Variants in PRSS23 observed in about 807,000 individuals in gnomAD.
PRSS23 encodes serine protease 23, also known as protease, serine 23.
In PRSS23, 25 loss-of-function variants were observed where a neutral mutation model predicts 34.7. The observed-to-expected ratio is 0.72, with a 90% CI of 0.53 to 1.01. The LOEUF is 1.01. Ranked by LOEUF, PRSS23 falls within the 50% of genes least tolerant of loss-of-function variation. The pLI, the probability that PRSS23 is intolerant of heterozygous loss-of-function variation, is 0.00. For missense variants in PRSS23, 445 were observed against 475.6 expected (o/e 0.94, Z 0.60); for synonymous variants, 176 against 186.6 (o/e 0.94, Z 0.46).
At chr11:86,877,329 G>T (rs547218322) in intron 2 of PRSS23, among the ~76,000 whole-genome samples, 2 of 152,270 alleles carry the variant, frequency 1.3e-5, no homozygotes, top group East Asian at 1.9e-4. Context: ...TCCCCATTTT[G>T]GTCAGACCCA....
chr11:86,849,124 T>C (rs1948510638), intron 2 of PRSS23, among the ~76,000 whole-genome samples: 1 of 152,292 alleles, frequency 6.6e-6, no homozygotes, highest in East Asian at 1.9e-4. Flanking sequence ...CTGGGTAAGT[T>C]TGACCATTGA....
intron 1 of PRSS23, among the ~76,000 whole-genome samples, chr11:86,823,087 G>T (rs1042699862): frequency 3.3e-5 from 5 of 152,218 alleles, no homozygotes; most frequent in African/African-American, 1.2e-4. Flanking sequence ...GGGAGGCCCC[G>T]TCAGGGGATG....
At position 86,810,775 on chromosome 11, in the gene PRSS23, G is replaced by A. The variant is rs1428082136; in HGVS notation, c.*1980G>A. ...TCACAAGTAGATGTAATTTACTAAAGAATGATACACCCATATGCTATATAC... is the reference window on the plus strand; with the variant it reads ...TCACAAGTAGATGTAATTTACTAAAAAATGATACACCCATATGCTATATAC... On this transcript the variant is annotated 3_prime_UTR_variant, in exon 2 of 2. Coordinates refer to ENST00000280258, the MANE Select transcript of PRSS23 (RefSeq NM_007173.6). 4 of 166,968 alleles carry A rather than the reference G, an allele frequency of 2.4e-5. No individual in the cohort carries two copies. Among genetic ancestry groups the A allele is most frequent in the Admixed American group, 2.0e-4 (3 of 15,282 alleles). 10.3% of individuals were successfully genotyped at this position (166,968 alleles called of 1,614,324 possible). A position where few individuals can be genotyped will look rare whatever the true frequency, so the allele number is the denominator to read the frequency against.
chr11:86,814,981 G>C (rs1013653771), downstream of PRSS23, among the ~76,000 whole-genome samples: 1 of 152,104 alleles, frequency 6.6e-6, no homozygotes, highest in African/African-American at 2.4e-5. Flanking sequence ...CCTTGTCTTC[G>C]GGCTATTAAA....
Position 86,808,572 on chromosome 11 carries a change from A to G in PRSS23, c.929A>G (p.Asp310Gly), listed in dbSNP as rs776882364. 1.2e-6 allele frequency: 2 copies of G among 1,614,092 alleles called. No individual in the cohort carries two copies. Among genetic ancestry groups the G allele is most frequent in the East Asian group, 4.5e-5 (2 of 44,896 alleles). Residue 310 changes from aspartate to glycine, a missense_variant, in exon 2 of 2, where the codon GAT becomes GGT. Physicochemically the swap from Asp to Gly is moderately conservative, Grantham distance 94. Coordinates refer to ENST00000280258, the MANE Select transcript of PRSS23 (RefSeq NM_007173.6). ...ETYDLLYQQC[D>G]AQPGASGSGV... ...TATGACTTGCTCTACCAGCAATGCG[A>G]TGCCCAGCCAGGGGCCAGCGGGTCT... is the stretch of plus-strand genomic sequence containing the variant.
At chr11:86,927,635 C>T (rs1949090548) in intron 2 of PRSS23, among the ~76,000 whole-genome samples, 1 of 152,170 alleles carries the variant, frequency 6.6e-6, no homozygotes, top group Non-Finnish European at 1.5e-5. Context: ...GCATAAGCCA[C>T]TGTGCCCGGC....
chr11:86,853,986 C>T (rs554796638), intron 2 of PRSS23, among the ~76,000 whole-genome samples: 2 of 152,144 alleles, frequency 1.3e-5, no homozygotes, highest in South Asian at 4.2e-4. Context: ...ATTTTATATG[C>T]TTATTGGCCA....
chr11:86,807,894 A>G lies in PRSS23; in HGVS notation c.251A>G (p.Tyr84Cys), dbSNP rs1233239979. Residue 84 changes from tyrosine to cysteine, a missense_variant, in exon 2 of 2, where the codon TAT (tyrosine) becomes TGT (cysteine). By Grantham distance (194) the Tyr-to-Cys change is radical. Coordinates refer to ENST00000280258, the MANE Select transcript of PRSS23 (RefSeq NM_007173.6). Reference protein sequence around the residue: ...PLPTYEEAKQYLSYETLYANG... With the variant: ...PLPTYEEAKQCLSYETLYANG... The stretch of plus-strand genomic sequence containing the variant: ...CCCACTTACGAAGAGGCCAAGCAAT[A>G]TCTGTCTTATGAAACGCTCTATGCC... 1.2e-6 allele frequency: 2 copies of G among 1,614,134 alleles called. No individual in the cohort carries two copies. Among genetic ancestry groups the G allele is most frequent in the African/African-American group, 1.3e-5 (1 of 75,038 alleles).
chr11:86,798,187 A>C (rs1022185488), upstream of PRSS23, among the ~76,000 whole-genome samples: 5 of 152,228 alleles, frequency 3.3e-5, no homozygotes, highest in African/African-American at 7.2e-5. Flanking sequence ...TGGGAGCTAC[A>C]GACACTTAGA....
At chr11:86,881,593 G>C (rs922688749) in intron 2 of PRSS23, among the ~76,000 whole-genome samples, 1 of 152,026 alleles carries the variant, frequency 6.6e-6, no homozygotes, top group South Asian at 2.1e-4. Context: ...ATTTAAATAT[G>C]CTGGCCTCAA....
rs1948492574 is a variant in PRSS23 at position 86,847,162 on chromosome 11, G to A, written c.206+23569G>A. Among the ~76,000 whole-genome samples the A allele has an allele frequency of 2.0e-5, 3 of 152,328 alleles. No homozygotes were observed. In the South Asian group the frequency reaches 6.2e-4, roughly 32 times the overall value. On this transcript the variant is annotated intron_variant, in intron 2 of 2. Transcript: ENST00000533902. ...GGGGACAGAAGGCTAAAGTACAGCA[G>A]CTGTTCTCTCAGCCCTGGTCTGGAG...
rs1346009599 is a variant in PRSS23, at chr11:86,939,424, A to ATTTTTTTTTTT, written c.207-11791_207-11790insTTTTTTTTTTT. Among the ~76,000 whole-genome samples, 13 of 84,000 alleles carry ATTTTTTTTTTT rather than the reference A, an allele frequency of 1.5e-4. 1 individual carries two copies. Among genetic ancestry groups the ATTTTTTTTTTT allele is most frequent in the East Asian group, 3.9e-4 (1 of 2,574 alleles). 55.1% of individuals were successfully genotyped at this position (84,000 alleles called of 152,430 possible). Reference sequence around the variant, plus strand: ...AAAAAATATATATATATATATATATATATTTTTTAACATGAGTAAAAATTG... The same window carrying ATTTTTTTTTTT: ...AAAAAATATATATATATATATATATATTTTTTTTTTTTATTTTTTAACATGAGTAAAAATTG... On this transcript the variant is annotated intron_variant, in intron 2 of 2. Transcript: ENST00000533902.
At chr11:86,897,994 G>A (rs1414305210) in intron 2 of PRSS23, among the ~76,000 whole-genome samples, 4 of 152,120 alleles carry the variant, frequency 2.6e-5, no homozygotes, top group Non-Finnish European at 5.9e-5. Flanking sequence ...ACTCTACTTC[G>A]AATCAGATGC....
chr11:86,828,050 G>A, intron 2 of PRSS23, among the ~76,000 whole-genome samples: 1 of 152,148 alleles, frequency 6.6e-6, no homozygotes, highest in African/African-American at 2.4e-5. Flanking sequence ...GGGTATCCTT[G>A]TTAACTTTCT....
chr11:86,927,415 G>A (rs548620561), intron 2 of PRSS23, among the ~76,000 whole-genome samples: 1 of 152,288 alleles, frequency 6.6e-6, no homozygotes, highest in South Asian at 2.1e-4. Flanking sequence ...TTCTCCAGTT[G>A]GCATTGAGTA....
At chr11:86,873,345 T>C (rs1948699983) in intron 2 of PRSS23, among the ~76,000 whole-genome samples, 1 of 151,408 alleles carries the variant, frequency 6.6e-6, no homozygotes, top group Non-Finnish European at 1.5e-5. Context: ...CAGGCTGGAG[T>C]ACAGTGGTGC....
At chr11:86,849,952 G>T (rs929810086) in intron 2 of PRSS23, among the ~76,000 whole-genome samples, 5 of 152,128 alleles carry the variant, frequency 3.3e-5, no homozygotes, top group Non-Finnish European at 5.9e-5. Flanking sequence ...TCTTAGAGAA[G>T]AATGTTGCTA....
chr11:86,838,384 C>T (rs546113153), intron 2 of PRSS23, among the ~76,000 whole-genome samples: 4 of 152,148 alleles, frequency 2.6e-5, no homozygotes, highest in African/African-American at 9.7e-5. Flanking sequence ...CTGAGATCAA[C>T]CTGTGGGGCT....
chr11:86,895,724 C>T (rs1948870617), intron 2 of PRSS23, among the ~76,000 whole-genome samples: 2 of 152,142 alleles, frequency 1.3e-5, no homozygotes, highest in South Asian at 2.1e-4. Context: ...AAGTGATCGG[C>T]CCACTTTGGC....
Sources: allele counts gnomAD v4.1 joint callset (sites outside exome capture counted in the v4.1 genomes callset), GRCh38; gene constraint gnomAD v4.1.1; transcripts MANE v1.5; gene names NCBI Gene and HGNC (gene_info 2026-07-23, HGNC 2026-07-21).